The following MAN1C1 variants were observed in gnomAD, a reference collection of about 807,000 sequenced individuals.
The protein encoded by MAN1C1 is mannosidase alpha class 1C member 1.
MAN1C1 carries 49 observed loss-of-function variants against 71.5 expected under a neutral mutation model. The ratio of observed to expected loss-of-function variants is 0.69; its 90% CI spans 0.54 to 0.87. MAN1C1 has a LOEUF of 0.87. Ranked by LOEUF, MAN1C1 falls within the 40% of genes least tolerant of loss-of-function variation. MAN1C1 has a pLI of 0.00. For synonymous variants in MAN1C1, 352 were observed against 343.7 expected (o/e 1.02, Z -0.27); for missense variants, 743 against 835.0 (o/e 0.89, Z 1.36).
At chr1:25,676,746 G>T (rs933089819) in intron 1 of MAN1C1, among the ~76,000 whole-genome samples, 24 of 152,176 alleles carry the variant, frequency 1.6e-4, no homozygotes, top group Non-Finnish European at 2.2e-4. Context: ...TCCTTCCTTG[G>T]CAGCTTTGAA....
chr1:25,637,138 G>A (rs1193732261), intron 1 of MAN1C1, among the ~76,000 whole-genome samples: 1 of 151,864 alleles, frequency 6.6e-6, no homozygotes, highest in Admixed American at 6.5e-5. Flanking sequence ...CTGGGCAACA[G>A]AGCAAACTCT....
rs1349478819 is a variant in MAN1C1 at position 25,764,334 on chromosome 1, C to G, written c.1141+367C>G. Among the ~76,000 whole-genome samples, 1 of 152,192 alleles carries G rather than the reference C, an allele frequency of 6.6e-6. No individual in the cohort carries two copies. Among genetic ancestry groups the G allele is most frequent in the Non-Finnish European group, 1.5e-5 (1 of 68,036 alleles). ...AGGGTCCCAGGTGGAGTCATCCATT[C>G]TAGAAGTGGCTCCAAGAGAGGCCAG... On this transcript the variant is annotated intron_variant, in intron 7 of 11. Coordinates refer to ENST00000374332, the MANE Select transcript of MAN1C1 (RefSeq NM_020379.4). The surrounding 1 kb of genome is among the most constrained non-coding windows in gnomAD (Gnocchi z 4.4).
In MAN1C1 at chr1:25,764,818, G is replaced by A. The variant is rs1572204227; in HGVS notation, c.1141+851G>A. Reference sequence around the variant, plus strand: ...GGCCAAGCACCTGACGGGAGGCCGAGGCAGGCGGATCACGAGGTCAGGAGT... The same window carrying A: ...GGCCAAGCACCTGACGGGAGGCCGAAGCAGGCGGATCACGAGGTCAGGAGT... On this transcript the variant is annotated intron_variant, in intron 7 of 11. Coordinates refer to ENST00000374332, the MANE Select transcript of MAN1C1 (RefSeq NM_020379.4). This position sits in a 1 kb window ranked among gnomAD's most constrained non-coding sequence, Gnocchi z 4.4. 6.6e-6 allele frequency among the ~76,000 whole-genome samples: 1 copy of A among 152,250 alleles called. No individual in the cohort carries two copies. Among genetic ancestry groups the A allele is most frequent in the East Asian group, 1.9e-4 (1 of 5,142 alleles).
intron 2 of MAN1C1, among the ~76,000 whole-genome samples, chr1:25,714,735 A>G (rs2046657986): frequency 6.6e-6 from 1 of 152,244 alleles, no homozygotes; most frequent in Non-Finnish European, 1.5e-5. Flanking sequence ...CATACCAGGT[A>G]GAATCAATGA....
chr1:25,758,982 G>T (rs555688749), intron 6 of MAN1C1: 44 of 410,652 alleles, frequency 1.1e-4, no homozygotes, highest in Non-Finnish European at 1.7e-4. Flanking sequence ...ACTGGTCTGC[G>T]TGAGCTCAGT....
At chr1:25,618,426 C>T (rs2045150303) in intron 1 of MAN1C1, 89 bp downstream of exon 1, 1 of 1,303,962 alleles carries the variant, frequency 7.7e-7, no homozygotes, top group Non-Finnish European at 1.0e-6. Context: ...TCCCTTGCCT[C>T]AGTCACTCCT....
intron 1 of MAN1C1, among the ~76,000 whole-genome samples, chr1:25,657,255 A>G (rs1452674039): frequency 6.6e-6 from 1 of 152,198 alleles, no homozygotes; most frequent in Non-Finnish European, 1.5e-5. Context: ...ACCCTTTTCT[A>G]GGAGTAAAGG....
At chr1:25,637,612 G>A (rs1179930750) in intron 1 of MAN1C1, among the ~76,000 whole-genome samples, 2 of 150,464 alleles carry the variant, frequency 1.3e-5, no homozygotes, top group Non-Finnish European at 3.0e-5. Context: ...TTTTTTTTTG[G>A]TCTACTTTTA....
intron 2 of MAN1C1, among the ~76,000 whole-genome samples, chr1:25,713,706 CTG>C (rs2124255021): frequency 6.6e-6 from 1 of 152,322 alleles, no homozygotes; most frequent in South Asian, 2.1e-4. Flanking sequence ...TCTCCGGCCT[CTG>C]TTCAGACTAG....
chr1:25,640,857 GA>G (rs2124759980), intron 1 of MAN1C1, among the ~76,000 whole-genome samples: 1 of 152,216 alleles, frequency 6.6e-6, no homozygotes, highest in East Asian at 1.9e-4. Flanking sequence ...AATGGTGCCA[GA>G]AAGGTATCAA....
At position 25,721,377 on chromosome 1, in the gene MAN1C1, A is replaced by G. The variant is rs2046764586; in HGVS notation, c.638-25291A>G. Among the ~76,000 whole-genome samples, 4 of 152,320 alleles carry G rather than the reference A, an allele frequency of 2.6e-5. No homozygotes were observed. In the South Asian group the frequency reaches 6.2e-4, roughly 24 times the overall value. ...GAATTTATAGATCAATTTGAGGAATATTGCCATTTTAATAATACTAAGTTT... is the reference window on the plus strand; with the variant it reads ...GAATTTATAGATCAATTTGAGGAATGTTGCCATTTTAATAATACTAAGTTT... On this transcript the variant is annotated intron_variant, in intron 2 of 11. Coordinates refer to ENST00000374332, the MANE Select transcript of MAN1C1 (RefSeq NM_020379.4).
intron 2 of MAN1C1, among the ~76,000 whole-genome samples, chr1:25,704,308 G>A (rs1391796400): frequency 6.6e-6 from 1 of 152,194 alleles, no homozygotes; most frequent in African/African-American, 2.4e-5. Flanking sequence ...CTGAAGGCAG[G>A]AGCTGCCTCT....
chr1:25,702,588 G>GAA (rs2046461432), intron 2 of MAN1C1, among the ~76,000 whole-genome samples: 1 of 152,200 alleles, frequency 6.6e-6, no homozygotes, highest in Non-Finnish European at 1.5e-5. Flanking sequence ...CAGAAGCACA[G>GAA]GCTTTGGCAC....
chr1:25,651,224 C>T (rs994087547), intron 1 of MAN1C1, among the ~76,000 whole-genome samples: 5 of 152,242 alleles, frequency 3.3e-5, no homozygotes, highest in African/African-American at 1.2e-4. Context: ...AGAGGAGAAG[C>T]GGGCAGACTG....
In MAN1C1 at chr1:25,735,773, T is replaced by C. The variant is rs1265879146; in HGVS notation, c.638-10895T>C. ...ACCAGTGGCCATTTGAGGTTCATTCTTCTCATGGTGAAGGGTGGGAGCCTA... is the reference window on the plus strand; with the variant it reads ...ACCAGTGGCCATTTGAGGTTCATTCCTCTCATGGTGAAGGGTGGGAGCCTA... On this transcript the variant is annotated intron_variant, in intron 2 of 11. Transcript: ENST00000374332. The surrounding 1 kb of genome is among the most constrained non-coding windows in gnomAD (Gnocchi z 4.6). 2.6e-5 allele frequency among the ~76,000 whole-genome samples: 4 copies of C among 152,328 alleles called. No individual in the cohort carries two copies. The East Asian group carries it at 7.7e-4, about 29-fold the overall frequency.
At position 25,723,322 on chromosome 1, in the gene MAN1C1, T is replaced by TA. The variant is rs2046791346; in HGVS notation, c.638-23345dup. Among the ~76,000 whole-genome samples, 12 of 152,358 alleles carry TA rather than the reference T, an allele frequency of 7.9e-5. No homozygotes were observed. The South Asian group carries it at 2.5e-3, about 32-fold the overall frequency. On this transcript the variant is annotated intron_variant, in intron 2 of 11. Transcript: ENST00000374332. ...AAGTAGGAAGAGAATCTAGGGATCT[T>TA]ACTGCCTTTAGGCTGACTTGCAACA...
intron 1 of MAN1C1, among the ~76,000 whole-genome samples, chr1:25,674,567 G>A (rs2046037971): frequency 6.6e-6 from 1 of 152,184 alleles, no homozygotes; most frequent in Admixed American, 6.5e-5. Context: ...CTTGGAAGTG[G>A]CAACCAAGCC....
rs2046890969 is a variant in MAN1C1 at position 25,730,242 on chromosome 1, A to G, written c.638-16426A>G. On this transcript the variant is annotated intron_variant, in intron 2 of 11. Transcript: ENST00000374332. This position sits in a 1 kb window ranked among gnomAD's most constrained non-coding sequence, Gnocchi z 4.3. ...CCCTGCTTCCCTGTCAGTTTTTGACAGTTACCCTGAAACCGTTTTAAAATG... is the reference window on the plus strand; with the variant it reads ...CCCTGCTTCCCTGTCAGTTTTTGACGGTTACCCTGAAACCGTTTTAAAATG... Among the ~76,000 whole-genome samples the G allele has an allele frequency of 6.6e-6, 1 of 152,194 alleles. No individual in the cohort carries two copies. Among genetic ancestry groups the G allele is most frequent in the Non-Finnish European group, 1.5e-5 (1 of 68,036 alleles).
chr1:25,617,734 C>T lies in MAN1C1; in HGVS notation c.-64C>T, dbSNP rs1572096232. On this transcript the variant is annotated 5_prime_UTR_variant, in exon 1 of 12. Transcript: ENST00000374332. This position sits in a 1 kb window ranked among gnomAD's most constrained non-coding sequence, Gnocchi z 5.1. ...GGCGGCGCTCCGGACGCCCTCCCCT[C>T]ACCGCGCCCCCGCAGACACGTGCCT... The T allele has an allele frequency of 6.8e-7, 1 of 1,473,898 alleles. No individual in the cohort carries two copies. The highest frequency in any genetic ancestry group is 9.0e-7 in the Non-Finnish European group (1 of 1,114,218). 91.3% of individuals were successfully genotyped at this position (1,473,898 alleles called of 1,614,324 possible). A position where few individuals can be genotyped will look rare whatever the true frequency, so the allele number is the denominator to read the frequency against.
Sources: allele counts gnomAD v4.1 joint callset (sites outside exome capture counted in the v4.1 genomes callset), GRCh38; gene constraint gnomAD v4.1.1; non-coding constraint Gnocchi (gnomAD v3.1); transcripts MANE v1.5; gene names NCBI Gene and HGNC (gene_info 2026-07-23, HGNC 2026-07-21).